C3orf20: variants seen among roughly 807,000 people sequenced by gnomAD.
C3orf20 encodes the protein family with sequence similarity 149 member C, also known as uncharacterized protein C3orf20.
C3orf20 carries 76 observed loss-of-function variants against 88.3 expected under a neutral mutation model. That is an observed-to-expected ratio of 0.86 (90% CI 0.72 to 1.04). C3orf20 has a LOEUF of 1.04. Among genes scored for constraint, C3orf20 ranks in the 50% least tolerant of loss-of-function variants. The pLI is 0.00. For missense variants in C3orf20, 1,056 were observed against 1,123.3 expected (o/e 0.94, Z 0.86); for synonymous variants, 436 against 437.4 (o/e 1.00, Z 0.04).
intron 4 of C3orf20, among the ~76,000 whole-genome samples, chr3:14,688,656 A>AC (rs2124901849): frequency 6.6e-6 from 1 of 152,208 alleles, no homozygotes; most frequent in South Asian, 2.1e-4. Context: ...CACTGAAGAA[A>AC]ACCAGACTGC....
At chr3:14,708,583 G>A (rs1239131542) in intron 7 of C3orf20, among the ~76,000 whole-genome samples, 3 of 151,836 alleles carry the variant, frequency 2.0e-5, no homozygotes, top group African/African-American at 7.3e-5. Flanking sequence ...ATTTTGATAG[G>A]CATTGCATTG....
In C3orf20 at chr3:14,772,762, G is replaced by A. The variant is rs367956839; in HGVS notation, c.2631-29G>A. The stretch of plus-strand genomic sequence containing the variant: ...GGGCACTGTGAAGAACAGCCCTTCC[G>A]CCTCCCGGCCCTCTATTTTGATCTT... On this transcript the variant is annotated intron_variant, in intron 16 of 16. Coordinates refer to ENST00000253697, the MANE Select transcript of C3orf20 (RefSeq NM_032137.5). The surrounding 1 kb of genome is among the most constrained non-coding windows in gnomAD (Gnocchi z 4.2). 8.6e-5 allele frequency: 136 copies of A among 1,589,348 alleles called. No individual in the cohort carries two copies. Among genetic ancestry groups the A allele is most frequent in the East Asian group, 7.1e-4 (32 of 44,760 alleles).
intron 12 of C3orf20, among the ~76,000 whole-genome samples, chr3:14,730,907 A>G (rs1450918869): frequency 2.0e-5 from 3 of 152,230 alleles, no homozygotes; most frequent in Non-Finnish European, 4.4e-5. Flanking sequence ...TGATGACTAT[A>G]GAGGCTGAGC....
rs527274969 is a variant in C3orf20, at chr3:14,694,176, G to C, written c.745+4060G>C. On this transcript the variant is annotated intron_variant, in intron 5 of 16. Coordinates refer to ENST00000253697, the MANE Select transcript of C3orf20 (RefSeq NM_032137.5). Reference sequence around the variant, plus strand: ...TTCTTTTTTTGATGTGTCTTTGTCTGGTTTTGGTATCAGAGTAATATTGGC... The same window carrying C: ...TTCTTTTTTTGATGTGTCTTTGTCTCGTTTTGGTATCAGAGTAATATTGGC... 4.6e-5 allele frequency among the ~76,000 whole-genome samples: 7 copies of C among 152,196 alleles called. No individual in the cohort carries two copies. In the East Asian group the frequency reaches 1.2e-3, roughly 25 times the overall value.
intron 5 of C3orf20, among the ~76,000 whole-genome samples, chr3:14,702,595 C>G (rs2124932950): frequency 6.6e-6 from 1 of 152,204 alleles, no homozygotes; most frequent in Non-Finnish European, 1.5e-5. Context: ...TGCACACCAG[C>G]ACGCCCAGTT....
intron 12 of C3orf20, among the ~76,000 whole-genome samples, chr3:14,756,194 T>C (rs1483915651): frequency 6.6e-6 from 1 of 151,002 alleles, no homozygotes; most frequent in African/African-American, 2.4e-5. Context: ...CATTTTACAG[T>C]ATCCACAGTC....
At chr3:14,744,642 C>A (rs980265615) in intron 12 of C3orf20, among the ~76,000 whole-genome samples, 1 of 152,000 alleles carries the variant, frequency 6.6e-6, no homozygotes, top group Non-Finnish European at 1.5e-5. Context: ...ATTGGACTTA[C>A]AGTTCCCCAT....
Position 14,772,496 on chromosome 3 carries a change from A to G in C3orf20, c.2630+295A>G, listed in dbSNP as rs1471410101. Among the ~76,000 whole-genome samples the G allele has an allele frequency of 6.6e-6, 1 of 152,242 alleles. No individual in the cohort carries two copies. Among genetic ancestry groups the G allele is most frequent in the Non-Finnish European group, 1.5e-5 (1 of 68,048 alleles). ...GAGACTGCCCCGCTGTCTCCTTGCAAGAAACTTGCTGCACCTGTTAAAGGC... is the reference window on the plus strand; with the variant it reads ...GAGACTGCCCCGCTGTCTCCTTGCAGGAAACTTGCTGCACCTGTTAAAGGC... On this transcript the variant is annotated intron_variant, in intron 16 of 16. Transcript: ENST00000253697. The surrounding 1 kb of genome is among the most constrained non-coding windows in gnomAD (Gnocchi z 4.2).
At chr3:14,741,885 G>A (rs549836206) in intron 12 of C3orf20, among the ~76,000 whole-genome samples, 1 of 152,320 alleles carries the variant, frequency 6.6e-6, no homozygotes, top group East Asian at 1.9e-4. Context: ...CTAGGGTAGA[G>A]GTAGTAACTT....
Position 14,715,925 on chromosome 3 carries a change from AT to A in C3orf20, c.1434+519del, listed in dbSNP as rs796789467. 7.9e-5 allele frequency among the ~76,000 whole-genome samples: 12 copies of A among 152,274 alleles called. No individual in the cohort carries two copies. In the South Asian group the frequency reaches 2.5e-3, roughly 32 times the overall value. ...CTGTTCAGATAATTATTTACCAAAGATTTATTAAATAACAAATAATAAAGAG... is the reference window on the plus strand; with the variant it reads ...CTGTTCAGATAATTATTTACCAAAGATTATTAAATAACAAATAATAAAGAG... On this transcript the variant is annotated intron_variant, in intron 9 of 16. Coordinates refer to ENST00000253697, the MANE Select transcript of C3orf20 (RefSeq NM_032137.5).
At chr3:14,729,129 A>G (rs1300874144) in intron 12 of C3orf20, among the ~76,000 whole-genome samples, 1 of 152,206 alleles carries the variant, frequency 6.6e-6, no homozygotes, top group Non-Finnish European at 1.5e-5. Flanking sequence ...GACAGTGGAC[A>G]TTGAGGGTCA....
At position 14,721,758 on chromosome 3, in the gene C3orf20, C is replaced by T. The variant is rs2124975620; in HGVS notation, c.1540C>T (p.Pro514Ser). Residue 514 changes from proline (P) to serine (S), a missense_variant, in exon 10 of 17, where the codon CCC becomes TCC. Pro to Ser is a moderately conservative substitution (Grantham distance 74). Coordinates refer to ENST00000253697, the MANE Select transcript of C3orf20 (RefSeq NM_032137.5). Reference protein sequence around the residue: ...VTLTVSANNCPHGMAYDKRLN... With the variant: ...VTLTVSANNCSHGMAYDKRLN... ...ACTCACTGTGTCGGCCAACAATTGT[C>T]CCCATGGAATGGCATATGACAAACG... 6.2e-7 allele frequency: 1 copy of T among 1,614,180 alleles called. No individual in the cohort carries two copies. Among genetic ancestry groups the T allele is most frequent in the African/African-American group, 1.3e-5 (1 of 75,030 alleles).
intron 4 of C3orf20, among the ~76,000 whole-genome samples, chr3:14,687,733 C>A (rs1195858488): frequency 1.3e-5 from 2 of 152,214 alleles, no homozygotes; most frequent in Non-Finnish European, 2.9e-5. Context: ...CACTAACACT[C>A]CTTCTGATAA....
At chr3:14,745,327 C>T (rs2035029542) in intron 12 of C3orf20, among the ~76,000 whole-genome samples, 1 of 152,222 alleles carries the variant, frequency 6.6e-6, no homozygotes, top group South Asian at 2.1e-4. Context: ...CTCTGATCTC[C>T]TGCTGGTGCC....
chr3:14,709,824 GT>G (rs2124949440), intron 7 of C3orf20, among the ~76,000 whole-genome samples: 1 of 152,256 alleles, frequency 6.6e-6, no homozygotes, highest in East Asian at 1.9e-4. Context: ...GATATGGGAA[GT>G]TTTCTTTTTA....
intron 9 of C3orf20, among the ~76,000 whole-genome samples, chr3:14,717,730 C>A (rs907418040): frequency 6.6e-6 from 1 of 151,904 alleles, no homozygotes; most frequent in African/African-American, 2.4e-5. Flanking sequence ...TGAAGAACTT[C>A]TTTTGGCTTT....
chr3:14,704,067 C>A (rs1379372415), intron 6 of C3orf20, among the ~76,000 whole-genome samples: 2 of 152,146 alleles, frequency 1.3e-5, no homozygotes, highest in African/African-American at 4.8e-5. Flanking sequence ...GGACCCACCC[C>A]CCAACTTCCA....
chr3:14,685,337 G>T (rs1273999589), intron 4 of C3orf20, among the ~76,000 whole-genome samples: 2 of 152,118 alleles, frequency 1.3e-5, no homozygotes, highest in African/African-American at 4.8e-5. Context: ...GGGGAAATTC[G>T]AGGAAGTGAT....
chr3:14,706,722 C>T (rs2033517554), intron 7 of C3orf20, among the ~76,000 whole-genome samples: 1 of 152,018 alleles, frequency 6.6e-6, no homozygotes, highest in African/African-American at 2.4e-5. Flanking sequence ...ATCACTTGAT[C>T]TCTGTGCCTC....
Sources: gnomAD v4.1 joint callset for allele counts (sites outside exome capture counted in the v4.1 genomes callset) on GRCh38, gnomAD v4.1.1 for gene constraint, Gnocchi (gnomAD v3.1) non-coding constraint, MANE v1.5 for transcripts, NCBI Gene and HGNC (gene_info 2026-07-23, HGNC 2026-07-21) for gene names.